RAB11FIP3: variants seen among roughly 807,000 people sequenced by gnomAD.
RAB11FIP3 encodes the protein RAB11 family interacting protein 3, also known as rab11 family-interacting protein 3.
A neutral mutation model predicts 77.8 loss-of-function variants in RAB11FIP3; 17 were observed. The observed-to-expected ratio is 0.22, with a 90% CI of 0.15 to 0.33. The LOEUF (loss-of-function observed/expected upper bound fraction) is 0.33. Among genes scored for constraint, RAB11FIP3 ranks in the 10% least tolerant of loss-of-function variants. RAB11FIP3 has a pLI of 1.00. For synonymous variants in RAB11FIP3, 437 were observed against 448.2 expected, an observed-to-expected ratio of 0.98 and a Z score of 0.31; for missense variants, 1,005 against 1,011.2, an observed-to-expected ratio of 0.99 and a Z score of 0.08.
intron 6 of RAB11FIP3, among the ~76,000 whole-genome samples, chr16:498,759 T>A (rs1037851908): frequency 6.6e-6 from 1 of 151,994 alleles, no homozygotes; most frequent in Non-Finnish European, 1.5e-5. Context: ...CCCACCTCGG[T>A]CTCCCAGAAT....
chr16:437,036 G>T (rs2055141320), intron 1 of RAB11FIP3, among the ~76,000 whole-genome samples: 1 of 152,108 alleles, frequency 6.6e-6, no homozygotes, highest in African/African-American at 2.4e-5. Context: ...AGCACTTTGA[G>T]AGGCTGGGGA....
intron 1 of RAB11FIP3, among the ~76,000 whole-genome samples, chr16:442,217 G>A (rs2055239572): frequency 6.6e-6 from 1 of 152,200 alleles, no homozygotes; most frequent in African/African-American, 2.4e-5. Context: ...CTCTGTCACA[G>A]TCACTGCACC....
chr16:474,996 GACGGAGAC>G, intron 3 of RAB11FIP3: 1 of 1,551,722 alleles, frequency 6.4e-7, no homozygotes, highest in Non-Finnish European at 8.7e-7. Context: ...ACCCGGTTGG[GACGGAGAC>G]ACGATGGGGA....
Position 482,705 on chromosome 16 carries a change from G to C in RAB11FIP3, c.1084G>C (p.Asp362His), listed in dbSNP as rs114654620. 1.2e-6 allele frequency: 2 copies of C among 1,609,772 alleles called. No homozygotes were observed. The highest frequency in any genetic ancestry group is 1.7e-6 in the Non-Finnish European group (2 of 1,178,978). The change falls in exon 4 of 14, where the codon GAC becomes CAC. Residue 362 changes from aspartate to histidine, a missense_variant. By Grantham distance (81) the Asp-to-His change is moderately conservative. Coordinates refer to ENST00000262305, the MANE Select transcript of RAB11FIP3 (RefSeq NM_014700.4). The stretch of plus-strand genomic sequence containing the variant: ...GTGCCTGGACGCCATGGAGGAGCCC[G>C]ACCATGGTGCCCTGCTGCTGCTCCC... ...SECLDAMEEP[D>H]HGALLLLPGR...
chr16:511,921 A>G (rs1205458328), intron 9 of RAB11FIP3, among the ~76,000 whole-genome samples: 1 of 96,068 alleles, frequency 1.0e-5, no homozygotes, highest in Non-Finnish European at 2.0e-5. Flanking sequence ...CAGGTAGGAG[A>G]AGTTCCCCGA....
intron 6 of RAB11FIP3, chr16:497,118 A>T (rs1324352627): frequency 1.1e-5 from 6 of 567,884 alleles, no homozygotes; most frequent in African/African-American, 7.9e-5. Context: ...GTGTTCACTA[A>T]GGTCTGGAAG....
chr16:483,927 T>C (rs928941177), intron 4 of RAB11FIP3, among the ~76,000 whole-genome samples: 2 of 152,096 alleles, frequency 1.3e-5, no homozygotes, highest in African/African-American at 4.8e-5. Flanking sequence ...CGTCCCATGT[T>C]TCCTGACTGA....
At position 433,664 on chromosome 16, in the gene RAB11FIP3, C is replaced by T. The variant is rs111360696; in HGVS notation, c.714+6944C>T. On this transcript the variant is annotated intron_variant, in intron 1 of 13. Transcript: ENST00000262305. The stretch of plus-strand genomic sequence containing the variant: ...GAGATCGAGACCATCCTAGCTAACA[C>T]GGTGAAACCCTGTCTCTACTAAAAA... Among the ~76,000 whole-genome samples the T allele has an allele frequency of 6.0e-3, 901 of 150,744 alleles. 9 individuals carry two copies. The highest frequency in any genetic ancestry group is 0.021 in the African/African-American group (854 of 41,060).
intron 9 of RAB11FIP3, among the ~76,000 whole-genome samples, chr16:512,929 AC>A (rs1033518571): frequency 3.4e-5 from 5 of 146,314 alleles, no homozygotes; most frequent in African/African-American, 1.3e-4. Context: ...CATTCCTCCC[AC>A]CTCGGCCTCC....
chr16:458,892 A>C (rs549832101), intron 1 of RAB11FIP3, among the ~76,000 whole-genome samples: 4 of 152,288 alleles, frequency 2.6e-5, no homozygotes, highest in Admixed American at 2.6e-4. Context: ...GTTCAAACCC[A>C]TATGAAAGTG....
chr16:510,175 C>T (rs553590588), intron 8 of RAB11FIP3, among the ~76,000 whole-genome samples: 52 of 150,342 alleles, frequency 3.5e-4, no homozygotes, highest in African/African-American at 1.1e-3. Flanking sequence ...CGCCCCGTCC[C>T]GAGTCCCCGT....
At position 426,792 on chromosome 16, in the gene RAB11FIP3, C is replaced by T; in HGVS notation, c.714+72C>T. 1.6e-6 allele frequency: 2 copies of T among 1,270,394 alleles called. No homozygotes were observed. Among genetic ancestry groups the T allele is most frequent in the Non-Finnish European group, 2.1e-6 (2 of 944,894 alleles). 78.7% of individuals were successfully genotyped at this position (1,270,394 alleles called of 1,614,324 possible). A position where few individuals can be genotyped will look rare whatever the true frequency, so the allele number is the denominator to read the frequency against. The stretch of plus-strand genomic sequence containing the variant: ...CTGGCCGGCGGGGTTGATGTGGGAC[C>T]GGTCGACGCTGCCCCTGGAGTCGGG... On this transcript the variant is annotated intron_variant, in intron 1 of 13. Coordinates refer to ENST00000262305, the MANE Select transcript of RAB11FIP3 (RefSeq NM_014700.4). This position sits in a 1 kb window ranked among gnomAD's most constrained non-coding sequence, Gnocchi z 5.0.
chr16:498,868 G>C (rs1352921968), intron 6 of RAB11FIP3, among the ~76,000 whole-genome samples: 2 of 149,806 alleles, frequency 1.3e-5, no homozygotes, highest in African/African-American at 5.0e-5. Context: ...AGAGGTGAAC[G>C]TCATCATGCA....
chr16:506,527 C>T lies in RAB11FIP3; in HGVS notation c.1499+900C>T, dbSNP rs545300304. On this transcript the variant is annotated intron_variant, in intron 8 of 13. Transcript: ENST00000262305. This position sits in a 1 kb window ranked among gnomAD's most constrained non-coding sequence, Gnocchi z 4.5. ...CTGTCCCTTGAAGCTTCAGTGTCTT[C>T]ATCACCACTGAGCAGGTAGATTCAG... Among the ~76,000 whole-genome samples, 355 of 152,332 alleles carry T rather than the reference C, an allele frequency of 2.3e-3. 6 individuals are homozygous for T. Among genetic ancestry groups the T allele is most frequent in the African/African-American group, 8.2e-3 (341 of 41,584 alleles).
At chr16:427,799 T>C (rs1205510227) in intron 1 of RAB11FIP3, among the ~76,000 whole-genome samples, 1 of 152,088 alleles carries the variant, frequency 6.6e-6, no homozygotes, top group Non-Finnish European at 1.5e-5. Context: ...GTGTCAGTCA[T>C]AACATTAAGA....
chr16:457,855 T>G (rs953135733), intron 1 of RAB11FIP3, among the ~76,000 whole-genome samples: 2 of 152,236 alleles, frequency 1.3e-5, no homozygotes, highest in Non-Finnish European at 2.9e-5. Flanking sequence ...ATTAGGTAAC[T>G]CTCAGGTACC....
rs1222552160 is a variant in RAB11FIP3 at position 520,103 on chromosome 16, C to T, written c.1861-19C>T. The T allele has an allele frequency of 6.5e-7, 1 of 1,544,244 alleles. No individual in the cohort carries two copies. ...CTGGGAGCCCAGGCCCCCCGGCTCA[C>T]TGCACGGTTGCCCTGCAGCTGATCG... On this transcript the variant is annotated intron_variant, in intron 11 of 13. Coordinates refer to ENST00000262305, the MANE Select transcript of RAB11FIP3 (RefSeq NM_014700.4).
At chr16:478,088 G>A (rs2055956744) in intron 3 of RAB11FIP3, among the ~76,000 whole-genome samples, 1 of 152,186 alleles carries the variant, frequency 6.6e-6, no homozygotes, top group Non-Finnish European at 1.5e-5. Flanking sequence ...CCAGGCTCCT[G>A]GCAGCTCGGC....
chr16:452,570 G>A (rs2055426360), intron 1 of RAB11FIP3: 1 of 149,902 alleles, frequency 6.7e-6, no homozygotes, highest in Non-Finnish European at 1.5e-5. Context: ...GAGTAGTTGG[G>A]ACTACAGGCG....
Sources: allele counts gnomAD v4.1 joint callset (sites outside exome capture counted in the v4.1 genomes callset), GRCh38; gene constraint gnomAD v4.1.1; non-coding constraint Gnocchi (gnomAD v3.1); transcripts MANE v1.5; gene names NCBI Gene and HGNC (gene_info 2026-07-23, HGNC 2026-07-21).